Variants in CRYBG1 observed in about 807,000 individuals in gnomAD.
CRYBG1 encodes beta/gamma crystallin domain-containing protein 1.
A neutral mutation model predicts 189.2 loss-of-function variants in CRYBG1; 139 were observed. The observed-to-expected ratio is 0.73, with a 90% CI of 0.64 to 0.85. The LOEUF is 0.85. Among genes scored for constraint, CRYBG1 ranks in the 40% least tolerant of loss-of-function variants. The probability of loss-of-function intolerance (pLI) is 0.00; values close to 1 mark genes in which losing one functional copy is unlikely to be tolerated. For missense variants in CRYBG1, 2,611 were observed against 2,675.8 expected (o/e 0.98, Z 0.53); for synonymous variants, 1,023 against 1,017.1 (o/e 1.01, Z -0.11).
chr6:106,468,640 T>G (rs1772160994), intron 2 of CRYBG1, among the ~76,000 whole-genome samples: 1 of 152,190 alleles, frequency 6.6e-6, no homozygotes, highest in Admixed American at 6.5e-5. Flanking sequence ...CAGTGAGCCA[T>G]GATAGTGCCA....
chr6:106,527,873 T>G (rs1363289307), intron 7 of CRYBG1, among the ~76,000 whole-genome samples: 3 of 152,188 alleles, frequency 2.0e-5, no homozygotes, highest in Non-Finnish European at 4.4e-5. Context: ...CAAAAATAAT[T>G]TGGTTGATTA....
At chr6:106,419,632 A>T (rs749412439) in intron 1 of CRYBG1, among the ~76,000 whole-genome samples, 6 of 152,078 alleles carry the variant, frequency 3.9e-5, no homozygotes, top group Admixed American at 6.6e-5. Context: ...AATCCTCCCA[A>T]CTTGGCCTAC....
intron 1 of CRYBG1, among the ~76,000 whole-genome samples, chr6:106,396,307 A>G (rs910236822): frequency 2.0e-5 from 3 of 152,210 alleles, no homozygotes; most frequent in Non-Finnish European, 4.4e-5. Context: ...TCCAAATAGA[A>G]TTTTGACTAC....
chr6:106,400,715 C>A (rs921018341), intron 1 of CRYBG1, among the ~76,000 whole-genome samples: 1 of 152,040 alleles, frequency 6.6e-6, no homozygotes, highest in Non-Finnish European at 1.5e-5. Flanking sequence ...CTACTTGGAC[C>A]TCATAATATA....
chr6:106,440,402 C>T (rs1771546093), intron 1 of CRYBG1, among the ~76,000 whole-genome samples: 1 of 151,934 alleles, frequency 6.6e-6, no homozygotes, highest in African/African-American at 2.4e-5. Context: ...GTAGCTGGGA[C>T]TGTAGGCGCA....
intron 15 of CRYBG1, 60 bp from the exon 16 acceptor site, chr6:106,553,395 C>T (rs910541053): frequency 1.0e-5 from 12 of 1,163,784 alleles, no homozygotes; most frequent in Non-Finnish European, 1.5e-5. Flanking sequence ...ATTTCAAAGG[C>T]TAAATTAGTT....
At position 106,521,422 on chromosome 6, in the gene CRYBG1, C is replaced by A; in HGVS notation, c.4214C>A (p.Ser1405Tyr). Reference sequence around the variant, plus strand: ...TCAAGCCGGTATGACCCAAGCATTTCTTTTTCTGGAATGTCATTATCAGAC... The same window carrying A: ...TCAAGCCGGTATGACCCAAGCATTTATTTTTCTGGAATGTCATTATCAGAC... ...FKSSRYDPSI[S>Y]FSGMSLSDTM... The change falls in exon 4 of 22, where the codon TCT becomes TAT. Residue 1405 changes from serine (S) to tyrosine (Y), a missense_variant. Ser to Tyr is a moderately radical substitution (Grantham distance 144). Around this residue, in one of 3 missense-constraint regions of CRYBG1, gnomAD observed 1,622 missense variants for 1,735.0 expected, o/e 0.93. Transcript: ENST00000633556. 1 of 1,587,908 alleles carries A rather than the reference C, an allele frequency of 6.3e-7. No homozygotes were observed. Among genetic ancestry groups the A allele is most frequent in the Non-Finnish European group, 8.5e-7 (1 of 1,170,572 alleles).
intron 20 of CRYBG1, among the ~76,000 whole-genome samples, chr6:106,562,698 A>T (rs1403410543): frequency 6.6e-6 from 1 of 152,238 alleles, no homozygotes. Flanking sequence ...CATGTTGGCC[A>T]GGATGGTCTT....
intron 1 of CRYBG1, among the ~76,000 whole-genome samples, chr6:106,391,693 A>G (rs970395782): frequency 4.6e-5 from 7 of 152,076 alleles, no homozygotes; most frequent in African/African-American, 1.4e-4. Flanking sequence ...TTTTGGCCAC[A>G]TGAAGTGAGC....
At chr6:106,521,627 G>GA (rs140755131) in intron 4 of CRYBG1, among the ~76,000 whole-genome samples, 174 bp downstream of exon 4, 38,800 of 146,750 alleles carry the variant, frequency 0.26, 5,393 homozygotes, top group East Asian at 0.45. Flanking sequence ...TAGAGTGCAA[G>GA]AAAAAAATGT....
Position 106,543,541 on chromosome 6 carries a change from T to A in CRYBG1, c.4983T>A (p.Thr1661=), listed in dbSNP as rs111326671. The A allele has an allele frequency of 5.6e-6, 9 of 1,613,978 alleles. No individual in the cohort carries two copies. The highest frequency in any genetic ancestry group is 6.8e-6 in the Non-Finnish European group (8 of 1,179,982). Residue 1661 remains threonine, a synonymous_variant, in exon 11 of 22, where the codon ACT becomes ACA. Coordinates refer to ENST00000633556, the MANE Select transcript of CRYBG1 (RefSeq NM_001371242.2). ...AGGGAGGTGAAACAGAAGAGGCGAC[T>A]GGAGACGATCATTTGCCGTTTACGT... The part of the protein sequence containing the change: ...VMEGGETEEA[T]GDDHLPFTSV...
chr6:106,567,020 C>T (rs6909966), intron 21 of CRYBG1, among the ~76,000 whole-genome samples: 26,197 of 152,136 alleles, frequency 0.17, 2,914 homozygotes, highest in African/African-American at 0.31. Context: ...ACAATTTAAA[C>T]ACTCTCCAAA....
At chr6:106,528,912 C>T (rs1017299913) in intron 7 of CRYBG1, among the ~76,000 whole-genome samples, 2 of 151,382 alleles carry the variant, frequency 1.3e-5, no homozygotes, top group African/African-American at 2.4e-5. Context: ...AGTAATGCCA[C>T]GAGAATGTTT....
At chr6:106,368,100 A>T (rs1003793583) in intron 1 of CRYBG1, among the ~76,000 whole-genome samples, 1 of 152,094 alleles carries the variant, frequency 6.6e-6, no homozygotes, top group Non-Finnish European at 1.5e-5. Context: ...CAAAATACAT[A>T]TCTTACTATG....
chr6:106,512,399 A>G lies in CRYBG1; in HGVS notation c.1282A>G (p.Thr428Ala), dbSNP rs1216886308. The G allele has an allele frequency of 6.2e-6, 10 of 1,609,288 alleles. No individual in the cohort carries two copies. Among genetic ancestry groups the G allele is most frequent in the Non-Finnish European group, 8.5e-6 (10 of 1,178,586 alleles). The change falls in exon 3 of 22, where the codon ACC (threonine) becomes GCC (alanine). Residue 428 changes from threonine to alanine, a missense_variant. By Grantham distance (58) the Thr-to-Ala change is moderately conservative. This residue lies in a region of CRYBG1 where 985 missense variants were observed against 924.4 expected (regional missense o/e 1.07). Coordinates refer to ENST00000633556, the MANE Select transcript of CRYBG1 (RefSeq NM_001371242.2). ...GAGGCGGAGGGGGTCGCAGAAATCC[A>G]CCGACTCCCCCGGCGCGGACGCCGA... ...SGRRRGSQKS[T>A]DSPGADAELP...
chr6:106,451,043 T>C (rs189268936), intron 1 of CRYBG1, among the ~76,000 whole-genome samples: 1 of 152,290 alleles, frequency 6.6e-6, no homozygotes, highest in Non-Finnish European at 1.5e-5. Flanking sequence ...CTGAGGCATA[T>C]GGAGGATGAA....
intron 2 of CRYBG1, among the ~76,000 whole-genome samples, chr6:106,498,087 C>T (rs931105485): frequency 1.5e-4 from 21 of 137,680 alleles, no homozygotes; most frequent in Admixed American, 3.1e-4. Context: ...GGCTACAGAG[C>T]GAGACTCCGT....
intron 2 of CRYBG1, among the ~76,000 whole-genome samples, chr6:106,464,815 TTAAG>T (rs1772078988): frequency 6.6e-6 from 1 of 152,220 alleles, no homozygotes; most frequent in Non-Finnish European, 1.5e-5. Context: ...GTTTAGAGAA[TTAAG>T]TGATATTTCA....
intron 1 of CRYBG1, among the ~76,000 whole-genome samples, chr6:106,405,929 G>A (rs529735329): frequency 3.7e-4 from 57 of 152,268 alleles, no homozygotes; most frequent in African/African-American, 1.3e-3. Flanking sequence ...AAAAATCAGT[G>A]CAAAAAGGCT....
Sources: allele counts gnomAD v4.1 joint callset (sites outside exome capture counted in the v4.1 genomes callset), GRCh38; gene constraint gnomAD v4.1.1; regional missense constraint gnomAD v4.1.1; transcripts MANE v1.5; gene names NCBI Gene and HGNC (gene_info 2026-07-23, HGNC 2026-07-21).